SCRN3: variants seen among roughly 807,000 people sequenced by gnomAD.
SCRN3 encodes the protein secernin 3, also known as secernin-3.
A neutral mutation model predicts 43.1 loss-of-function variants in SCRN3; 39 were observed. The observed-to-expected ratio is 0.91, with a 90% CI of 0.70 to 1.18. SCRN3 has a LOEUF of 1.18. Ranked by LOEUF, SCRN3 falls within the 50% of genes most tolerant of loss-of-function variation. SCRN3 has a pLI of 0.00. For missense variants in SCRN3, 484 were observed against 498.0 expected, an observed-to-expected ratio of 0.97 and a Z score of 0.27; for synonymous variants, 147 against 163.1, an observed-to-expected ratio of 0.90 and a Z score of 0.75.
At chr2:174,419,017 C>A (rs1239275397) in intron 5 of SCRN3, among the ~76,000 whole-genome samples, 1 of 152,036 alleles carries the variant, frequency 6.6e-6, no homozygotes, top group Non-Finnish European at 1.5e-5. Flanking sequence ...TAGTTGGTAG[C>A]CTGCATAATT....
intron 4 of SCRN3, among the ~76,000 whole-genome samples, chr2:174,403,328 A>G (rs998108825): frequency 6.6e-6 from 1 of 152,118 alleles, no homozygotes; most frequent in Non-Finnish European, 1.5e-5. Flanking sequence ...TAAACATGCA[A>G]CTACCATACA....
chr2:174,423,104 T>A (rs1157846587), intron 6 of SCRN3, 57 bp downstream of exon 6: 16 of 1,379,970 alleles, frequency 1.2e-5, no homozygotes, highest in Non-Finnish European at 1.5e-5. Context: ...GTAGAGTCAT[T>A]AGTATGTTAA....
intron 5 of SCRN3, among the ~76,000 whole-genome samples, chr2:174,420,143 G>A (rs931950297): frequency 1.1e-4 from 16 of 148,050 alleles, no homozygotes; most frequent in African/African-American, 3.8e-4. Context: ...GCAGAAAGTA[G>A]CTGCTAGGAG....
Position 174,419,572 on chromosome 2 carries a change from G to A in SCRN3, c.755-3313G>A, listed in dbSNP as rs76468447. Among the ~76,000 whole-genome samples the A allele has an allele frequency of 3.5e-3, 528 of 151,768 alleles. 6 individuals are homozygous for A. The highest frequency in any genetic ancestry group is 0.012 in the African/African-American group (494 of 41,436). ...ATTTTTTTTTTTGGTAATAGACGGC[G>A]GACTTGCCATGTTGCCCAGGCTGGT... On this transcript the variant is annotated intron_variant, in intron 5 of 7. Transcript: ENST00000272732.
chr2:174,416,698 G>A (rs1439602659), intron 5 of SCRN3, among the ~76,000 whole-genome samples: 1 of 152,188 alleles, frequency 6.6e-6, no homozygotes, highest in African/African-American at 2.4e-5. Context: ...CAAAAATAGA[G>A]TGAGACTCTA....
At chr2:174,423,760 C>T (rs1365824769) in intron 6 of SCRN3, among the ~76,000 whole-genome samples, 1 of 150,042 alleles carries the variant, frequency 6.7e-6, no homozygotes, top group Non-Finnish European at 1.5e-5. Flanking sequence ...TGAGCCACCG[C>T]ACCCGGCCAA....
At chr2:174,410,186 A>G (rs561524771) in intron 5 of SCRN3, 12 of 150,422 alleles carry the variant, frequency 8.0e-5, no homozygotes, top group African/African-American at 2.7e-4. Flanking sequence ...AGCCGGTCTG[A>G]AAAGCGCAAT....
intron 1 of SCRN3, 38 bp from the exon 2 acceptor site, chr2:174,398,237 G>T (rs375695427): frequency 1.0e-4 from 130 of 1,286,794 alleles, no homozygotes; most frequent in Non-Finnish European, 1.3e-4. Context: ...ATACTTAAAA[G>T]TGTTCTTTTT....
chr2:174,424,659 A>G lies in SCRN3; in HGVS notation c.1092+10A>G, dbSNP rs755174787. On this transcript the variant is annotated intron_variant, in intron 7 of 7. Coordinates refer to ENST00000272732, the MANE Select transcript of SCRN3 (RefSeq NM_024583.5). ...AGTAAATAATAATGAGGTATGCTAG[A>G]TTATATTCTTTGTTATATCATTAAG... 6.3e-7 allele frequency: 1 copy of G among 1,593,208 alleles called. No homozygotes were observed. Among genetic ancestry groups the G allele is most frequent in the Non-Finnish European group, 8.6e-7 (1 of 1,166,584 alleles).
At position 174,427,811 on chromosome 2, in the gene SCRN3, G is replaced by A; in HGVS notation, c.1191G>A (p.Glu397=). 6.2e-7 allele frequency: 1 copy of A among 1,610,808 alleles called. No homozygotes were observed. ...TTCAAAACAAGCATCTTGATGTGGA[G>A]AAAATTGTTAATCTCTTTCCTCAGT... The part of the protein sequence containing the change: ...SILQNKHLDV[E]KIVNLFPQCT... The change falls in exon 8 of 8, where the codon GAG becomes GAA. Residue 397 remains glutamate, a synonymous_variant. Transcript: ENST00000272732.
chr2:174,397,793 A>G (rs1456503264), intron 1 of SCRN3, among the ~76,000 whole-genome samples: 1 of 152,222 alleles, frequency 6.6e-6, no homozygotes, highest in East Asian at 1.9e-4. Context: ...AAATATGGAA[A>G]TGGTGAAACG....
intron 5 of SCRN3, among the ~76,000 whole-genome samples, chr2:174,415,132 CT>C (rs1468917267): frequency 6.6e-6 from 1 of 152,150 alleles, no homozygotes; most frequent in African/African-American, 2.4e-5. Flanking sequence ...CAGGTCAAAG[CT>C]TATGTACATT....
At chr2:174,421,980 G>A (rs1026063474) in intron 5 of SCRN3, among the ~76,000 whole-genome samples, 1 of 152,056 alleles carries the variant, frequency 6.6e-6, no homozygotes, top group Non-Finnish European at 1.5e-5. Context: ...AAGCTGATGG[G>A]AGAACTGGAG....
intron 5 of SCRN3, among the ~76,000 whole-genome samples, chr2:174,416,361 A>G (rs915105485): frequency 6.6e-6 from 1 of 152,230 alleles, no homozygotes; most frequent in African/African-American, 2.4e-5. Context: ...GAAAGATGTC[A>G]TAAATGAATA....
intron 1 of SCRN3, chr2:174,397,025 T>C: frequency 1.0e-6 from 1 of 953,482 alleles, no homozygotes. Context: ...GCCAAAGTTA[T>C]ATAGTGATAG....
intron 6 of SCRN3, among the ~76,000 whole-genome samples, 160 bp from the exon 7 acceptor site, chr2:174,424,315 C>T (rs1222036688): frequency 1.3e-5 from 2 of 152,134 alleles, no homozygotes; most frequent in Admixed American, 1.3e-4. Context: ...CCAGTGTCCC[C>T]AGGGAAGACA....
At chr2:174,416,488 G>C (rs1175720488) in intron 5 of SCRN3, among the ~76,000 whole-genome samples, 1 of 152,200 alleles carries the variant, frequency 6.6e-6, no homozygotes, top group Admixed American at 6.5e-5. Flanking sequence ...CAACTACTCT[G>C]AGATAATAAC....
intron 5 of SCRN3, among the ~76,000 whole-genome samples, chr2:174,417,241 T>C (rs1188662732): frequency 6.6e-6 from 1 of 152,048 alleles, no homozygotes; most frequent in Non-Finnish European, 1.5e-5. Context: ...TTTACCCATG[T>C]AACAAACCTG....
chr2:174,418,845 T>C (rs891688485), intron 5 of SCRN3, among the ~76,000 whole-genome samples: 8 of 152,220 alleles, frequency 5.3e-5, no homozygotes, highest in Non-Finnish European at 7.3e-5. Context: ...GCGCACCTTC[T>C]TTACTGTGTT....
Sources: gnomAD v4.1 joint callset for allele counts (sites outside exome capture counted in the v4.1 genomes callset) on GRCh38, gnomAD v4.1.1 for gene constraint, MANE v1.5 for transcripts, NCBI Gene and HGNC (gene_info 2026-07-23, HGNC 2026-07-21) for gene names.